The following AGAP1 variants were observed in gnomAD, a reference collection of about 807,000 sequenced individuals.
AGAP1 encodes the protein arf-GAP with GTPase, ANK repeat and PH domain-containing protein 1.
A neutral mutation model predicts 105.3 loss-of-function variants in AGAP1; 29 were observed. The observed-to-expected ratio is 0.28, with a 90% CI of 0.21 to 0.38. The LOEUF is 0.38. AGAP1 is among the 10% of genes least tolerant of loss of function. The pLI, the probability that AGAP1 is intolerant of heterozygous loss-of-function variation, is 1.00. For missense variants in AGAP1, 998 were observed against 1,165.1 expected (o/e 0.86, Z 2.09); for synonymous variants, 509 against 485.9 (o/e 1.05, Z -0.63).
rs534092029 is a variant in AGAP1, at chr2:236,087,422, A to G, written c.2115-32770A>G. On this transcript the variant is annotated intron_variant, in intron 16 of 17. Transcript: ENST00000304032. The surrounding 1 kb of genome is among the most constrained non-coding windows in gnomAD (Gnocchi z 5.7). Reference sequence around the variant, plus strand: ...CGTCTTGCAGGATCATTTACCTTTTATATTATGACCTAGCCACTTCTCATG... The same window carrying G: ...CGTCTTGCAGGATCATTTACCTTTTGTATTATGACCTAGCCACTTCTCATG... Among the ~76,000 whole-genome samples the G allele has an allele frequency of 9.2e-5, 14 of 152,192 alleles. No homozygotes were observed. The South Asian group carries it at 2.9e-3, about 32-fold the overall frequency.
At chr2:236,008,299 G>A (rs957794339) in intron 13 of AGAP1, among the ~76,000 whole-genome samples, 2 of 152,180 alleles carry the variant, frequency 1.3e-5, no homozygotes, top group African/African-American at 4.8e-5. Flanking sequence ...GAGCCATGGA[G>A]CCTCAGTGTC....
intron 1 of AGAP1, among the ~76,000 whole-genome samples, chr2:235,676,509 G>A (rs997334248): frequency 6.6e-6 from 1 of 152,196 alleles, no homozygotes; most frequent in African/African-American, 2.4e-5. Context: ...GATCTTGTAG[G>A]ATCTGTAGGA....
intron 1 of AGAP1, among the ~76,000 whole-genome samples, chr2:235,695,146 T>C (rs769993539): frequency 5.9e-5 from 9 of 152,240 alleles, no homozygotes; most frequent in Non-Finnish European, 1.2e-4. Context: ...TCCTTAATTA[T>C]GCTTGCCAGT....
At chr2:235,836,436 T>A (rs1314804859) in intron 9 of AGAP1, among the ~76,000 whole-genome samples, 6 of 152,156 alleles carry the variant, frequency 3.9e-5, no homozygotes, top group Non-Finnish European at 8.8e-5. Flanking sequence ...TCCACTCCCT[T>A]GTGGGAATGC....
chr2:236,080,866 T>C lies in AGAP1; in HGVS notation c.2114+31585T>C, dbSNP rs1344621729. 2.0e-5 allele frequency among the ~76,000 whole-genome samples: 3 copies of C among 152,180 alleles called. No homozygotes were observed. The highest frequency in any genetic ancestry group is 2.9e-5 in the Non-Finnish European group (2 of 68,032). On this transcript the variant is annotated intron_variant, in intron 16 of 17. Transcript: ENST00000304032. This position sits in a 1 kb window ranked among gnomAD's most constrained non-coding sequence, Gnocchi z 4.2. ...TCTGACTCTGATTCTCCTATTTATA[T>C]GACCCTCTTATAAGGACCCTTGTAT... is the stretch of plus-strand genomic sequence containing the variant.
chr2:235,814,940 C>T (rs1178040249), intron 9 of AGAP1, among the ~76,000 whole-genome samples: 1 of 152,078 alleles, frequency 6.6e-6, no homozygotes, highest in Non-Finnish European at 1.5e-5. Context: ...CTCATGGCCG[C>T]ACGGAGTGGA....
At chr2:235,852,891 C>G in intron 9 of AGAP1, 1 of 1,335,450 alleles carries the variant, frequency 7.5e-7, no homozygotes, top group Non-Finnish European at 9.7e-7. Context: ...CCAGATCGGC[C>G]GATAGCTTGC....
At position 236,062,567 on chromosome 2, in the gene AGAP1, C is replaced by A. The variant is rs181529011; in HGVS notation, c.2114+13286C>A. On this transcript the variant is annotated intron_variant, in intron 16 of 17. Transcript: ENST00000304032. This position sits in a 1 kb window ranked among gnomAD's most constrained non-coding sequence, Gnocchi z 4.2. The stretch of plus-strand genomic sequence containing the variant: ...CATAGCTTACTGCAACCCCAGACTC[C>A]CAGGCTCAAGCAATCCTACCTAGTC... Among the ~76,000 whole-genome samples the A allele has an allele frequency of 3.9e-5, 6 of 152,234 alleles. No individual in the cohort carries two copies. The East Asian group carries it at 1.2e-3, about 29-fold the overall frequency.
At chr2:235,605,104 C>T (rs559869998) in intron 1 of AGAP1, among the ~76,000 whole-genome samples, 2 of 152,188 alleles carry the variant, frequency 1.3e-5, no homozygotes, top group South Asian at 4.1e-4. Flanking sequence ...TCTCAAACTC[C>T]TGACCTCAAG....
rs570366033 is a variant in AGAP1 at position 235,716,046 on chromosome 2, G to A, written c.223-1511G>A. 2.2e-4 allele frequency among the ~76,000 whole-genome samples: 33 copies of A among 152,294 alleles called. No individual in the cohort carries two copies. The highest frequency in any genetic ancestry group is 6.7e-4 in the African/African-American group (28 of 41,530). On this transcript the variant is annotated intron_variant, in intron 2 of 17. Coordinates refer to ENST00000304032, the MANE Select transcript of AGAP1 (RefSeq NM_001037131.3). This position sits in a 1 kb window ranked among gnomAD's most constrained non-coding sequence, Gnocchi z 4.0. ...GGGGTGGACGGCGGCCAGGGGATGC[G>A]ATTTGGGAATAGGCAGCTTTTTTTT... is the stretch of plus-strand genomic sequence containing the variant.
rs2054266482 is a variant in AGAP1, at chr2:235,963,401, G to A, written c.1484-5061G>A. ...AATTCAGTTGTTAAAGGGCTGCTTT[G>A]TGTGCACATAGAAAAGGAAACAGAT... On this transcript the variant is annotated intron_variant, in intron 12 of 17. Coordinates refer to ENST00000304032, the MANE Select transcript of AGAP1 (RefSeq NM_001037131.3). The surrounding 1 kb of genome is among the most constrained non-coding windows in gnomAD (Gnocchi z 5.1). Among the ~76,000 whole-genome samples, 1 of 152,168 alleles carries A rather than the reference G, an allele frequency of 6.6e-6. No homozygotes were observed. The highest frequency in any genetic ancestry group is 2.4e-5 in the African/African-American group (1 of 41,420).
chr2:236,074,259 T>G (rs1225935036), intron 16 of AGAP1, among the ~76,000 whole-genome samples: 1 of 151,894 alleles, frequency 6.6e-6, no homozygotes, highest in Non-Finnish European at 1.5e-5. Flanking sequence ...AGGGAGAGGC[T>G]AAACAAGAAG....
intron 1 of AGAP1, among the ~76,000 whole-genome samples, chr2:235,510,225 G>A (rs1942015184): frequency 6.6e-6 from 1 of 152,158 alleles, no homozygotes; most frequent in African/African-American, 2.4e-5. Flanking sequence ...CCATCCCCCT[G>A]CCTCCCTTCA....
chr2:235,641,956 T>C (rs1244218354), intron 1 of AGAP1, among the ~76,000 whole-genome samples: 2 of 152,238 alleles, frequency 1.3e-5, no homozygotes, highest in Admixed American at 1.3e-4. Context: ...TGCTCCTCTG[T>C]CTTCATTCCC....
rs2106546798 is a variant in AGAP1 at position 235,867,714 on chromosome 2, AGT to A, written c.1051-15628_1051-15627del. Reference sequence around the variant, plus strand: ...TGAGAGGGCAAAAGCAAGATGACTAAGTGTTCGTTACGGAAAAGTGGGATGTC... The same window carrying A: ...TGAGAGGGCAAAAGCAAGATGACTAAGTTCGTTACGGAAAAGTGGGATGTC... On this transcript the variant is annotated intron_variant, in intron 9 of 17. Coordinates refer to ENST00000304032, the MANE Select transcript of AGAP1 (RefSeq NM_001037131.3). The surrounding 1 kb of genome is among the most constrained non-coding windows in gnomAD (Gnocchi z 5.4). Among the ~76,000 whole-genome samples the A allele has an allele frequency of 6.6e-6, 1 of 152,218 alleles. No individual in the cohort carries two copies. Among genetic ancestry groups the A allele is most frequent in the South Asian group, 2.1e-4 (1 of 4,814 alleles).
rs758548989 is a variant in AGAP1 at position 235,552,133 on chromosome 2, C to T, written c.163+57284C>T. 3.3e-5 allele frequency among the ~76,000 whole-genome samples: 5 copies of T among 152,098 alleles called. No individual in the cohort carries two copies. The highest frequency in any genetic ancestry group is 1.9e-4 in the East Asian group (1 of 5,190). On this transcript the variant is annotated intron_variant, in intron 1 of 17. Coordinates refer to ENST00000304032, the MANE Select transcript of AGAP1 (RefSeq NM_001037131.3). This position sits in a 1 kb window ranked among gnomAD's most constrained non-coding sequence, Gnocchi z 5.9. ...CGGTACTGCCACCCGCTGGAAGGGG[C>T]CTGCAGGGAAGTGTTTGTTGTGTGC...
At chr2:235,702,493 C>T (rs1010706666) in intron 1 of AGAP1, among the ~76,000 whole-genome samples, 1 of 152,190 alleles carries the variant, frequency 6.6e-6, no homozygotes, top group Non-Finnish European at 1.5e-5. Flanking sequence ...TCTGAAAGTT[C>T]TCTTCCTTGA....
chr2:235,566,535 C>T lies in AGAP1; in HGVS notation c.163+71686C>T, dbSNP rs886911389. The stretch of plus-strand genomic sequence containing the variant: ...AAGCACAAATCATCAGTGCGCCGTA[C>T]GTTTTGGCCAGCACTTTATTTTATG... On this transcript the variant is annotated intron_variant, in intron 1 of 17. Transcript: ENST00000304032. The surrounding 1 kb of genome is among the most constrained non-coding windows in gnomAD (Gnocchi z 5.2). 5.1e-6 allele frequency: 5 copies of T among 980,326 alleles called. No individual in the cohort carries two copies. In the African/African-American group the frequency reaches 5.3e-5, roughly 10 times the overall value. The allele number at this position is 980,326 out of a possible 1,614,324, so 60.7% of individuals were successfully genotyped here. A position where few individuals can be genotyped will look rare whatever the true frequency, so the allele number is the denominator to read the frequency against.
intron 1 of AGAP1, among the ~76,000 whole-genome samples, chr2:235,651,731 T>C (rs2149324309): frequency 6.6e-6 from 1 of 152,280 alleles, no homozygotes; most frequent in Admixed American, 6.5e-5. Context: ...TGTTTGGAAA[T>C]GTGAATGTAT....
Sources: allele counts gnomAD v4.1 joint callset (sites outside exome capture counted in the v4.1 genomes callset), GRCh38; gene constraint gnomAD v4.1.1; non-coding constraint Gnocchi (gnomAD v3.1); transcripts MANE v1.5; gene names NCBI Gene and HGNC (gene_info 2026-07-23, HGNC 2026-07-21).